The following DTNA variants were observed in gnomAD, a reference collection of about 807,000 sequenced individuals.
DTNA encodes the protein dystrobrevin alpha, also known as dystrophin-related protein 3.
A neutral mutation model predicts 100.7 loss-of-function variants in DTNA; 43 were observed. That is an observed-to-expected ratio of 0.43 (90% CI 0.33 to 0.55). The LOEUF is 0.55. Ranked by LOEUF, DTNA falls within the 20% of genes least tolerant of loss-of-function variation. The pLI is 0.04. For missense variants in DTNA, 798 were observed against 953.9 expected, an observed-to-expected ratio of 0.84 and a Z score of 2.15; for synonymous variants, 349 against 347.9, an observed-to-expected ratio of 1.00 and a Z score of -0.04.
chr18:34,581,202 C>T (rs886913727), intron 1 of DTNA, among the ~76,000 whole-genome samples: 4 of 152,042 alleles, frequency 2.6e-5, no homozygotes, highest in South Asian at 2.1e-4. Context: ...GAGCTGAGAT[C>T]GCACCACTGC....
chr18:34,568,454 C>A (rs929396572), intron 1 of DTNA, among the ~76,000 whole-genome samples: 3 of 152,050 alleles, frequency 2.0e-5, no homozygotes, highest in Non-Finnish European at 4.4e-5. Flanking sequence ...CCTACAATTT[C>A]CCATCTGCCA....
intron 1 of DTNA, among the ~76,000 whole-genome samples, chr18:34,611,553 G>A (rs1400118719): frequency 2.6e-5 from 4 of 152,126 alleles, no homozygotes; most frequent in African/African-American, 4.8e-5. Context: ...AGTGGCACCC[G>A]AGACTCCAGG....
rs1043943655 is a variant in DTNA, at chr18:34,615,936, G to A, written c.-2+122422G>A. Among the ~76,000 whole-genome samples, 4 of 152,106 alleles carry A rather than the reference G, an allele frequency of 2.6e-5. No homozygotes were observed. In the South Asian group the frequency reaches 6.2e-4, roughly 24 times the overall value. Reference sequence around the variant, plus strand: ...CATTGTCTCATTCTTTTTTATGACTGCATAGTATTCCATAGAGTATATGTT... The same window carrying A: ...CATTGTCTCATTCTTTTTTATGACTACATAGTATTCCATAGAGTATATGTT... On this transcript the variant is annotated intron_variant, in intron 1 of 19. Transcript: ENST00000283365.
chr18:34,817,644 T>C lies in DTNA; in HGVS notation c.710-520T>C, dbSNP rs1358317643. Reference sequence around the variant, plus strand: ...TCGTTAAGTAAGCCATTAGTCACTCTATTTTTTAAAAAATAACTTAATTAT... The same window carrying C: ...TCGTTAAGTAAGCCATTAGTCACTCCATTTTTTAAAAAATAACTTAATTAT... On this transcript the variant is annotated intron_variant, in intron 7 of 22. Coordinates refer to ENST00000444659, the MANE Select transcript of DTNA (RefSeq NM_001386795.1). Among the ~76,000 whole-genome samples, 4 of 152,236 alleles carry C rather than the reference T, an allele frequency of 2.6e-5. No individual in the cohort carries two copies. The East Asian group carries it at 7.7e-4, about 29-fold the overall frequency.
In DTNA at chr18:34,530,928, C is replaced by G. The variant is rs537985161; in HGVS notation, c.-2+37414C>G. Among the ~76,000 whole-genome samples the G allele has an allele frequency of 2.2e-3, 334 of 152,264 alleles. 1 individual carries two copies. Among genetic ancestry groups the G allele is most frequent in the African/African-American group, 7.7e-3 (321 of 41,566 alleles). ...TAATACATCAGCAGCCTCTCTTCTT[C>G]TTCCCCTCTCTCCTCCTCTCTCCAC... On this transcript the variant is annotated intron_variant, in intron 1 of 19. Coordinates refer to the DTNA transcript ENST00000283365.
At chr18:34,811,499 G>A (rs750400982) in intron 5 of DTNA, among the ~76,000 whole-genome samples, 6 of 152,216 alleles carry the variant, frequency 3.9e-5, no homozygotes, top group East Asian at 1.9e-4. Context: ...ACCAAAATCC[G>A]AAAGTTTTAG....
chr18:34,834,351 A>G (rs1196326223), intron 11 of DTNA, among the ~76,000 whole-genome samples: 1 of 151,878 alleles, frequency 6.6e-6, no homozygotes, highest in Non-Finnish European at 1.5e-5. Flanking sequence ...CAAAAAAAAA[A>G]AATTAGCTGG....
intron 3 of DTNA, among the ~76,000 whole-genome samples, chr18:34,793,052 T>C (rs1490529955): frequency 6.6e-6 from 1 of 152,176 alleles, no homozygotes. Context: ...CTTTCAGCAA[T>C]ACATGTATGA....
chr18:34,858,184 T>C (rs2096575087), intron 15 of DTNA, 101 bp from the exon 16 acceptor site: 1 of 1,056,208 alleles, frequency 9.5e-7, no homozygotes, highest in South Asian at 1.3e-5. Context: ...AAACATAGGA[T>C]GATCCCTTCT....
intron 1 of DTNA, among the ~76,000 whole-genome samples, chr18:34,566,237 C>T (rs138581174): frequency 3.3e-5 from 5 of 150,768 alleles, no homozygotes; most frequent in African/African-American, 1.2e-4. Flanking sequence ...AATAGGGAAA[C>T]CAGCAGAGAA....
At chr18:34,605,105 T>C (rs1400790758) in intron 1 of DTNA, among the ~76,000 whole-genome samples, 1 of 149,922 alleles carries the variant, frequency 6.7e-6, no homozygotes, top group Non-Finnish European at 1.5e-5. Flanking sequence ...CTCAAACATT[T>C]AGAAAACCAG....
chr18:34,844,354 A>G (rs1311001974), intron 13 of DTNA, among the ~76,000 whole-genome samples: 3 of 151,936 alleles, frequency 2.0e-5, no homozygotes, highest in African/African-American at 4.8e-5. Context: ...AAGCTTTGAG[A>G]GTTAGTTTCT....
intron 1 of DTNA, among the ~76,000 whole-genome samples, chr18:34,558,391 C>T (rs2046327055): frequency 6.6e-6 from 1 of 152,108 alleles, no homozygotes; most frequent in African/African-American, 2.4e-5. Context: ...CTTGGCTCTT[C>T]CCCCCTAGTT....
intron 3 of DTNA, among the ~76,000 whole-genome samples, chr18:34,782,630 G>A (rs1484350669): frequency 6.6e-6 from 1 of 152,152 alleles, no homozygotes; most frequent in Non-Finnish European, 1.5e-5. Context: ...GGTGGAGGGA[G>A]CAGGCTAAGT....
intron 1 of DTNA, among the ~76,000 whole-genome samples, chr18:34,734,233 G>T (rs1246745266): frequency 6.6e-6 from 1 of 152,144 alleles, no homozygotes; most frequent in African/African-American, 2.4e-5. Context: ...AGTCACTGTT[G>T]CCTCAGGCAG....
rs2730102 is a variant in DTNA, at chr18:34,623,088, G to A, written c.-2+129574G>A. 2.0e-3 allele frequency among the ~76,000 whole-genome samples: 299 copies of A among 152,274 alleles called. 3 individuals are homozygous for A. The highest frequency in any genetic ancestry group is 7.0e-3 in the African/African-American group (289 of 41,550). The stretch of plus-strand genomic sequence containing the variant: ...CCCTGGGATAACAAACATGCTGTGT[G>A]TTAAGGCACATGAGACCCCCATGGG... On this transcript the variant is annotated intron_variant, in intron 1 of 19. Transcript: ENST00000283365.
intron 1 of DTNA, among the ~76,000 whole-genome samples, chr18:34,627,128 T>C (rs2057425558): frequency 6.6e-6 from 1 of 151,550 alleles, no homozygotes; most frequent in Non-Finnish European, 1.5e-5. Flanking sequence ...AAAGTCTATA[T>C]CTACGGATGA....
chr18:34,565,579 C>T (rs1401974815), intron 1 of DTNA, among the ~76,000 whole-genome samples: 1 of 152,176 alleles, frequency 6.6e-6, no homozygotes, highest in Non-Finnish European at 1.5e-5. Flanking sequence ...TCCTCCCTTG[C>T]CTCTTCTAGC....
intron 1 of DTNA, among the ~76,000 whole-genome samples, chr18:34,753,405 C>T (rs1175634429): frequency 1.5e-5 from 2 of 130,776 alleles, no homozygotes; most frequent in South Asian, 2.4e-4. Flanking sequence ...TTTTTTGAGA[C>T]GGAGTCTCGC....
Sources: gnomAD v4.1 joint callset for allele counts (sites outside exome capture counted in the v4.1 genomes callset) on GRCh38, gnomAD v4.1.1 for gene constraint, MANE v1.5 for transcripts, NCBI Gene and HGNC (gene_info 2026-07-23, HGNC 2026-07-21) for gene names.